The following FAM184B variants were observed in gnomAD, a reference collection of about 807,000 sequenced individuals.
The protein encoded by FAM184B is protein FAM184B.
In FAM184B, 111 loss-of-function variants were observed where a neutral mutation model predicts 135.9. The observed-to-expected ratio is 0.82, with a 90% CI of 0.70 to 0.96. The LOEUF is 0.96. Among genes scored for constraint, FAM184B ranks in the 40% least tolerant of loss-of-function variants. The pLI is 0.00. For synonymous variants in FAM184B, 552 were observed against 524.8 expected, an observed-to-expected ratio of 1.05 and a Z score of -0.71; for missense variants, 1,375 against 1,323.9, an observed-to-expected ratio of 1.04 and a Z score of -0.60.
chr4:17,638,353 AATT>A (rs889492710), intron 14 of FAM184B, among the ~76,000 whole-genome samples: 2 of 138,590 alleles, frequency 1.4e-5, no homozygotes, highest in Admixed American at 1.4e-4. Flanking sequence ...CATGCCCAGC[AATT>A]TTTTTTTTGT....
rs1033519348 is a variant in FAM184B, at chr4:17,647,705, C to A, written c.2278G>T (p.Ala760Ser). ...CTGCTGGCTTGCTGTCTGCCCAGAGCCCTCAGCTCGGCCTGCAGTGCCTCC... is the reference window on the plus strand; with the variant it reads ...CTGCTGGCTTGCTGTCTGCCCAGAGACCTCAGCTCGGCCTGCAGTGCCTCC... ...DLEALQAELR[A>S]LGRQQASSQC... The change falls in exon 12 of 18, where the codon GCT (alanine) becomes TCT (serine). Residue 760 changes from alanine (A) to serine (S), a missense_variant. Physicochemically the swap from Ala to Ser is moderately conservative, Grantham distance 99. Transcript: ENST00000265018. 1.9e-6 allele frequency: 3 copies of A among 1,551,032 alleles called. No homozygotes were observed. The highest frequency in any genetic ancestry group is 2.0e-5 in the Admixed American group (1 of 51,002).
intron 1 of FAM184B, among the ~76,000 whole-genome samples, chr4:17,776,743 T>C (rs974694613): frequency 5.9e-5 from 9 of 152,060 alleles, no homozygotes; most frequent in African/African-American, 1.7e-4. Context: ...GTTTTTTTTT[T>C]AGAGGAGGTG....
intron 7 of FAM184B, among the ~76,000 whole-genome samples, chr4:17,683,902 C>T (rs1016307476): frequency 6.6e-6 from 1 of 151,638 alleles, no homozygotes. Flanking sequence ...ATGATGAAGG[C>T]TCGTCTCTAC....
At chr4:17,645,730 A>G (rs1369249794) in intron 12 of FAM184B, among the ~76,000 whole-genome samples, 1 of 151,512 alleles carries the variant, frequency 6.6e-6, no homozygotes, top group Non-Finnish European at 1.5e-5. Flanking sequence ...GACAAGTGGG[A>G]TCTAATTAAA....
At chr4:17,650,530 A>C (rs1464841902) in intron 11 of FAM184B, among the ~76,000 whole-genome samples, 2 of 152,144 alleles carry the variant, frequency 1.3e-5, no homozygotes, top group Admixed American at 1.3e-4. Flanking sequence ...GTGGAGTCAG[A>C]AAAGCCAGGG....
chr4:17,645,118 G>T (rs1560166293), intron 12 of FAM184B, among the ~76,000 whole-genome samples: 1 of 152,180 alleles, frequency 6.6e-6, no homozygotes, highest in Non-Finnish European at 1.5e-5. Context: ...CATGCTCATG[G>T]ATAGGAAGAA....
At chr4:17,776,733 G>A (rs1219776883) in intron 1 of FAM184B, among the ~76,000 whole-genome samples, 1 of 148,944 alleles carries the variant, frequency 6.7e-6, no homozygotes, top group African/African-American at 2.5e-5. Flanking sequence ...TTTTTAAAAG[G>A]TTTTTTTTTT....
rs1262493686 is a variant in FAM184B at position 17,639,332 on chromosome 4, G to A, written c.2584C>T (p.Arg862Trp). The A allele has an allele frequency of 1.4e-5, 22 of 1,551,612 alleles. No individual in the cohort carries two copies. The highest frequency in any genetic ancestry group is 1.7e-4 in the Middle Eastern group (1 of 6,014). Reference sequence around the variant, plus strand: ...GCCACCATGGCCTGCATCTCCTTCCGGTGTTCCTGGCGCAGTGTCTCCACC... The same window carrying A: ...GCCACCATGGCCTGCATCTCCTTCCAGTGTTCCTGGCGCAGTGTCTCCACC... Reference protein sequence around the residue: ...REVETLRQEHRKEMQAMVADF... With the variant: ...REVETLRQEHWKEMQAMVADF... The change falls in exon 14 of 18, where the codon CGG (arginine) becomes TGG (tryptophan). Residue 862 changes from arginine to tryptophan, a missense_variant. By Grantham distance (101) the Arg-to-Trp change is moderately radical. Transcript: ENST00000265018.
intron 5 of FAM184B, among the ~76,000 whole-genome samples, chr4:17,701,511 T>C (rs1716985093): frequency 6.6e-6 from 1 of 152,164 alleles, no homozygotes; most frequent in African/African-American, 2.4e-5. Context: ...TAGCCTCCCT[T>C]CCATTTGGAT....
At chr4:17,645,591 G>T (rs1278521778) in intron 12 of FAM184B, among the ~76,000 whole-genome samples, 4 of 151,978 alleles carry the variant, frequency 2.6e-5, no homozygotes, top group Non-Finnish European at 5.9e-5. Context: ...ATGGATTAAA[G>T]ACTTAAATGT....
intron 1 of FAM184B, among the ~76,000 whole-genome samples, chr4:17,765,379 G>A (rs769793332): frequency 1.3e-5 from 2 of 151,998 alleles, no homozygotes; most frequent in African/African-American, 2.4e-5. Context: ...AGAATCAAAC[G>A]AGGGGCCACT....
At chr4:17,772,331 A>G (rs567660912) in intron 1 of FAM184B, among the ~76,000 whole-genome samples, 8 of 152,146 alleles carry the variant, frequency 5.3e-5, no homozygotes, top group African/African-American at 1.9e-4. Context: ...CACCCCCAAA[A>G]CAGAGACAAT....
At position 17,688,311 on chromosome 4, in the gene FAM184B, G is replaced by A. The variant is rs116064577; in HGVS notation, c.1596+113C>T. 1.7e-3 allele frequency: 1,273 copies of A among 740,094 alleles called. 11 individuals carry two copies. The African/African-American group carries it at 0.022, about 13-fold the overall frequency. The allele number at this position is 740,094 out of a possible 1,614,324, so 45.8% of individuals were successfully genotyped here. On this transcript the variant is annotated intron_variant, in intron 7 of 17. Transcript: ENST00000265018. ...TTTTTCCGGGCATTTTGGCAGTGTC[G>A]AGGAGAGATGTAAAAGAGCCCATTA...
chr4:17,678,204 C>T (rs1049463224), intron 7 of FAM184B, among the ~76,000 whole-genome samples: 1 of 152,036 alleles, frequency 6.6e-6, no homozygotes, highest in Non-Finnish European at 1.5e-5. Context: ...TAAAGGGCAT[C>T]CAAATCAGTA....
At chr4:17,708,597 A>T (rs1195473443) in intron 2 of FAM184B, among the ~76,000 whole-genome samples, 1 of 144,942 alleles carries the variant, frequency 6.9e-6, no homozygotes, top group Admixed American at 7.0e-5. Flanking sequence ...GTGAGCTGAG[A>T]TCGCACCACT....
intron 10 of FAM184B, 118 bp from the exon 11 acceptor site, chr4:17,653,101 G>A: frequency 2.1e-6 from 2 of 969,896 alleles, no homozygotes; most frequent in Non-Finnish European, 3.1e-6. Context: ...CTCCCATGGA[G>A]GGCTTATCAG....
chr4:17,673,310 C>A (rs1716221957), intron 7 of FAM184B, among the ~76,000 whole-genome samples: 1 of 152,100 alleles, frequency 6.6e-6, no homozygotes, highest in South Asian at 2.1e-4. Flanking sequence ...TTCTACCCTG[C>A]TGGTGGGAAT....
At chr4:17,659,193 A>G (rs1374379370) in intron 9 of FAM184B, among the ~76,000 whole-genome samples, 1 of 148,834 alleles carries the variant, frequency 6.7e-6, no homozygotes, top group African/African-American at 2.5e-5. Flanking sequence ...GCAGCCTCGA[A>G]CTCCCAAGCT....
chr4:17,642,203 C>A lies in FAM184B; in HGVS notation c.2372G>T (p.Gly791Val). The change falls in exon 13 of 18, where the codon GGC becomes GTC. Residue 791 changes from glycine to valine, a missense_variant. Coordinates refer to ENST00000265018, the MANE Select transcript of FAM184B (RefSeq NM_015688.2). ...CTGCCCAGCAGCGCCCGGTGGGGAG[C>A]CGGCCTGGCCCGGGCCGCCCCGCTC... is the stretch of plus-strand genomic sequence containing the variant. Reference protein sequence around the residue: ...TEERGGPGQAGSPPGAAGQGS... With the variant: ...TEERGGPGQAVSPPGAAGQGS... 1 of 1,514,798 alleles carries A rather than the reference C, an allele frequency of 6.6e-7. No individual in the cohort carries two copies. The allele number at this position is 1,514,798 out of a possible 1,614,324, so 93.8% of individuals were successfully genotyped here.
Sources: gnomAD v4.1 joint callset for allele counts (sites outside exome capture counted in the v4.1 genomes callset) on GRCh38, gnomAD v4.1.1 for gene constraint, MANE v1.5 for transcripts, NCBI Gene and HGNC (gene_info 2026-07-23, HGNC 2026-07-21) for gene names.